The following RTKN variants were observed in gnomAD, a reference collection of about 807,000 sequenced individuals.
RTKN encodes the protein rhotekin.
A neutral mutation model predicts 63.5 loss-of-function variants in RTKN; 49 were observed. The observed-to-expected ratio is 0.77, with a 90% CI of 0.61 to 0.98. The LOEUF (loss-of-function observed/expected upper bound fraction) is 0.98, where lower values mean the gene tolerates loss of function less well. Among genes scored for constraint, RTKN ranks in the 50% least tolerant of loss-of-function variants. The probability of loss-of-function intolerance (pLI) is 0.00; values close to 1 mark genes in which losing one functional copy is unlikely to be tolerated. For synonymous variants in RTKN, 295 were observed against 290.4 expected, an observed-to-expected ratio of 1.02 and a Z score of -0.16; for missense variants, 685 against 740.8, an observed-to-expected ratio of 0.92 and a Z score of 0.87.
At chr2:74,427,124 C>T in intron 11 of RTKN, 45 bp downstream of exon 11, 1 of 1,582,936 alleles carries the variant, frequency 6.3e-7, no homozygotes, top group South Asian at 1.1e-5. Context: ...AGTCCCCAAC[C>T]CTACTTCCCA....
In RTKN at chr2:74,426,401, G is replaced by A. The variant is rs774209422; in HGVS notation, c.1534C>T (p.Pro512Ser). The A allele has an allele frequency of 6.2e-7, 1 of 1,611,622 alleles. No homozygotes were observed. The highest frequency in any genetic ancestry group is 8.5e-7 in the Non-Finnish European group (1 of 1,178,766). Reference sequence around the variant, plus strand: ...GAAAAGGTTCGGGGTCTCCCCCAGGGCAGGGGGTGGGTCCAGTCTGGGGCT... The same window carrying A: ...GAAAAGGTTCGGGGTCTCCCCCAGGACAGGGGGTGGGTCCAGTCTGGGGCT... Reference protein sequence around the residue: ...APAPDWTHPLPWGRPRTFSLD... With the variant: ...APAPDWTHPLSWGRPRTFSLD... The change falls in exon 12 of 12, where the codon CCC becomes TCC. Residue 512 changes from proline (P) to serine (S), a missense_variant. By Grantham distance (74) the Pro-to-Ser change is moderately conservative. Transcript: ENST00000272430.
intron 10 of RTKN, 30 bp from the exon 11 acceptor site, chr2:74,427,303 A>G: frequency 1.2e-6 from 2 of 1,610,508 alleles, no homozygotes; most frequent in Non-Finnish European, 1.7e-6. Context: ...TAAAAGAGAG[A>G]GCCAGGCTGC....
rs1670366303 is a variant in RTKN, at chr2:74,426,020, GGGTTTAGGGAGGTCCCAGC to G, written c.*204_*222del. On this transcript the variant is annotated 3_prime_UTR_variant, in exon 12 of 12. Coordinates refer to ENST00000272430, the MANE Select transcript of RTKN (RefSeq NM_001015055.2). ...GTTGGTTCCAGTTTTCTTCCAGGAA[GGGTTTAGGGAGGTCCCAGC>G]GAGCCCCAGGAATGAGTCCCTCGGT... 1 of 641,720 alleles carries G rather than the reference GGGTTTAGGGAGGTCCCAGC, an allele frequency of 1.6e-6. No homozygotes were observed. The highest frequency in any genetic ancestry group is 4.3e-4 in the Middle Eastern group (1 of 2,324). 39.8% of individuals were successfully genotyped at this position (641,720 alleles called of 1,614,324 possible).
Position 74,430,520 on chromosome 2 carries a change from T to C in RTKN, c.374-2A>G, listed in dbSNP as rs1254839616. 2 of 1,614,020 alleles carry C rather than the reference T, an allele frequency of 1.2e-6. No individual in the cohort carries two copies. The highest frequency in any genetic ancestry group is 1.7e-6 in the Non-Finnish European group (2 of 1,180,000). On this transcript the variant is annotated splice_acceptor_variant, in intron 3 of 11. Coordinates refer to ENST00000272430, the MANE Select transcript of RTKN (RefSeq NM_001015055.2). LOFTEE classifies it high-confidence loss of function. ...TCCACATGAGTGGAATCCGGAGGTCTAAGGGGCAGAGGGGTAAGAATAGAT... is the reference window on the plus strand; with the variant it reads ...TCCACATGAGTGGAATCCGGAGGTCCAAGGGGCAGAGGGGTAAGAATAGAT...
chr2:74,437,597 G>A (rs191263822), intron 1 of RTKN, among the ~76,000 whole-genome samples: 34 of 152,266 alleles, frequency 2.2e-4, no homozygotes, highest in African/African-American at 6.7e-4. Context: ...AACCTTCTGC[G>A]GTGATGGAAA....
In RTKN at chr2:74,426,490, C is replaced by G. The variant is rs1670400803; in HGVS notation, c.1445G>C (p.Trp482Ser). 2 of 1,598,316 alleles carry G rather than the reference C, an allele frequency of 1.3e-6. No individual in the cohort carries two copies. The highest frequency in any genetic ancestry group is 2.7e-5 in the African/African-American group (2 of 74,670). Reference protein sequence around the residue: ...EGARLETPPPWLAMFTDQPAL... With the variant: ...EGARLETPPPSLAMFTDQPAL... ...AGGCTGGTCTGTAAACATTGCCAGCCAGGGTGGGGGTGTCTCCAGCCTTGC... is the reference window on the plus strand; with the variant it reads ...AGGCTGGTCTGTAAACATTGCCAGCGAGGGTGGGGGTGTCTCCAGCCTTGC... Residue 482 changes from tryptophan (W) to serine (S), a missense_variant, in exon 12 of 12, where the codon TGG becomes TCG. Physicochemically the swap from Trp to Ser is radical, Grantham distance 177. Coordinates refer to ENST00000272430, the MANE Select transcript of RTKN (RefSeq NM_001015055.2).
At chr2:74,439,202 C>T (rs747744153) in intron 1 of RTKN, among the ~76,000 whole-genome samples, 29 of 152,236 alleles carry the variant, frequency 1.9e-4, no homozygotes, top group Admixed American at 1.3e-4. Context: ...GAGTCCTTCT[C>T]TTCTCTAGCA....
chr2:74,432,481 C>T lies in RTKN; in HGVS notation c.297G>A (p.Gly99=), dbSNP rs746400062. The change falls in exon 2 of 12, where the codon GGG becomes GGA. Residue 99 remains glycine (G), a synonymous_variant. Coordinates refer to ENST00000272430, the MANE Select transcript of RTKN (RefSeq NM_001015055.2). ...LQRRKEAQVL[G]KTSRRPSDSG... is the part of the protein sequence containing the mutation. ...CCCTTGCTCACCGCCGGCTTGTCTT[C>T]CCCAGCACCTGCGCCTCCTTGCGCC... The T allele has an allele frequency of 2.5e-6, 4 of 1,610,284 alleles. No homozygotes were observed. Among genetic ancestry groups the T allele is most frequent in the African/African-American group, 2.7e-5 (2 of 74,944 alleles).
At chr2:74,440,539 G>A (rs565569795) in intron 1 of RTKN, 14 of 986,002 alleles carry the variant, frequency 1.4e-5, no homozygotes, top group East Asian at 2.3e-4. Flanking sequence ...TCACTCGGCG[G>A]CCGCCAGGCC....
rs1286733041 is a variant in RTKN at position 74,426,277 on chromosome 2, C to G, written c.1658G>C (p.Gly553Ala). The change falls in exon 12 of 12, where the codon GGC becomes GCC. Residue 553 changes from glycine (G) to alanine (A), a missense_variant. By Grantham distance (60) the Gly-to-Ala change is moderately conservative (BLOSUM62 0). Coordinates refer to ENST00000272430, the MANE Select transcript of RTKN (RefSeq NM_001015055.2). ...TGACTGGAGCCAAGTGCGAGGTTGG[C>G]CTTTGCTGCAGAGGCCTCTGGTCCG... The part of the protein sequence containing the change: ...SPRTRGLCSK[G>A]QPRTWLQSPV The G allele has an allele frequency of 6.8e-6, 11 of 1,614,076 alleles. No individual in the cohort carries two copies. The highest frequency in any genetic ancestry group is 9.3e-6 in the Non-Finnish European group (11 of 1,180,012).
chr2:74,439,943 G>T lies in RTKN; in HGVS notation c.111+1763C>A, dbSNP rs114254113. 953 of 1,160,334 alleles carry T rather than the reference G, an allele frequency of 8.2e-4. 5 individuals are homozygous for T. The African/African-American group carries it at 0.014, about 17-fold the overall frequency. 71.9% of individuals were successfully genotyped at this position (1,160,334 alleles called of 1,614,324 possible). On this transcript the variant is annotated intron_variant, in intron 1 of 11. Coordinates refer to ENST00000272430, the MANE Select transcript of RTKN (RefSeq NM_001015055.2). ...GCAGAGGGGGCTCTAGGCACAGAGT[G>T]TCCAGTCTCGCTTTGGTGGCAGCTG...
Position 74,441,918 on chromosome 2 carries a change from G to A in RTKN, c.-102C>T, listed in dbSNP as rs1671391166. On this transcript the variant is annotated 5_prime_UTR_variant, in exon 1 of 12. Transcript: ENST00000272430. ...TCTCTCGACGCTCGTCCGCCAGTCC[G>A]GCCGGGAATCTCCCGCTGCGGGGCT... 6 of 718,878 alleles carry A rather than the reference G, an allele frequency of 8.3e-6. No individual in the cohort carries two copies. Among genetic ancestry groups the A allele is most frequent in the Non-Finnish European group, 1.4e-5 (6 of 428,928 alleles). 44.5% of individuals were successfully genotyped at this position (718,878 alleles called of 1,614,324 possible).
intron 1 of RTKN, among the ~76,000 whole-genome samples, chr2:74,435,181 G>C (rs1469237955): frequency 6.6e-6 from 1 of 152,200 alleles, no homozygotes; most frequent in Non-Finnish European, 1.5e-5. Flanking sequence ...GGCCAGCTGA[G>C]AGGCCCTGGA....
chr2:74,430,902 T>C (rs930060667), intron 2 of RTKN: 2 of 568,810 alleles, frequency 3.5e-6, no homozygotes, highest in African/African-American at 3.8e-5. Flanking sequence ...AACTCACACA[T>C]AAGGCACAAG....
Position 74,432,919 on chromosome 2 carries a change from C to A in RTKN, c.112-253G>T, listed in dbSNP as rs553218695. Among the ~76,000 whole-genome samples the A allele has an allele frequency of 1.9e-3, 294 of 152,154 alleles. 2 individuals carry two copies. Among genetic ancestry groups the A allele is most frequent in the African/African-American group, 6.7e-3 (279 of 41,498 alleles). The stretch of plus-strand genomic sequence containing the variant: ...TTGAGCCTAGGAGATCAAGGCCAGC[C>A]TGGGCAACATAGTGAGACCCCACCT... On this transcript the variant is annotated intron_variant, in intron 1 of 11. Coordinates refer to ENST00000272430, the MANE Select transcript of RTKN (RefSeq NM_001015055.2).
intron 11 of RTKN, chr2:74,426,845 A>AT: frequency 7.4e-7 from 1 of 1,342,414 alleles, no homozygotes; most frequent in Non-Finnish European, 9.5e-7. Flanking sequence ...AGAGGAGAAA[A>AT]TGAAAGCGGT....
At position 74,427,149 on chromosome 2, in the gene RTKN, T is replaced by C. The variant is rs1008530297; in HGVS notation, c.1360+20A>G. On this transcript the variant is annotated intron_variant, in intron 11 of 11. Transcript: ENST00000272430. ...CCTACTTCCCATTAGCTTCCTGGAG[T>C]TCACATTCCTCTCACTTACCCATCT... The C allele has an allele frequency of 3.1e-6, 5 of 1,605,652 alleles. No individual in the cohort carries two copies. Among genetic ancestry groups the C allele is most frequent in the Admixed American group, 1.7e-5 (1 of 59,774 alleles).
Position 74,436,946 on chromosome 2 carries a change from G to A in RTKN, c.112-4280C>T, listed in dbSNP as rs948382429. The stretch of plus-strand genomic sequence containing the variant: ...CCCCTGGGAAAGAGCGCAGAGCTGG[G>A]TGTCAGCTGGACCCGGGTCAGATCC... On this transcript the variant is annotated intron_variant, in intron 1 of 11. Coordinates refer to ENST00000272430, the MANE Select transcript of RTKN (RefSeq NM_001015055.2). This position sits in a 1 kb window ranked among gnomAD's most constrained non-coding sequence, Gnocchi z 4.3. Among the ~76,000 whole-genome samples the A allele has an allele frequency of 6.6e-6, 1 of 152,208 alleles. No homozygotes were observed. Among genetic ancestry groups the A allele is most frequent in the African/African-American group, 2.4e-5 (1 of 41,452 alleles).
At chr2:74,435,240 G>A (rs1670991556) in intron 1 of RTKN, among the ~76,000 whole-genome samples, 1 of 152,162 alleles carries the variant, frequency 6.6e-6, no homozygotes, top group Non-Finnish European at 1.5e-5. Flanking sequence ...GAGCCCTGGA[G>A]GTCCTGCTTC....
Sources: allele counts gnomAD v4.1 joint callset (sites outside exome capture counted in the v4.1 genomes callset), GRCh38; gene constraint gnomAD v4.1.1; non-coding constraint Gnocchi (gnomAD v3.1); transcripts MANE v1.5; gene names NCBI Gene and HGNC (gene_info 2026-07-23, HGNC 2026-07-21).